KIF7: variants seen among roughly 807,000 people sequenced by gnomAD.
KIF7 encodes kinesin-like protein KIF7.
KIF7 carries 104 observed loss-of-function variants against 135.7 expected under a neutral mutation model. The ratio of observed to expected loss-of-function variants is 0.77; its 90% CI spans 0.65 to 0.90. KIF7 has a LOEUF of 0.90. Among genes scored for constraint, KIF7 ranks in the 40% least tolerant of loss-of-function variants. The probability of loss-of-function intolerance (pLI) is 0.00; values close to 1 mark genes in which losing one functional copy is unlikely to be tolerated. For synonymous variants in KIF7, 883 were observed against 809.4 expected (o/e 1.09, Z -1.54); for missense variants, 2,005 against 1,839.1 (o/e 1.09, Z -1.65).
At chr15:89,625,333 G>GGGAAGACAACTCC, downstream of KIF7, 1 of 1,614,056 alleles carries the variant, frequency 6.2e-7, no homozygotes, top group Non-Finnish European at 8.5e-7. Context: ...CAAGCACAGT[G>GGGAAGACAACTCC]GGAAGACAAC....
At chr15:89,618,491 T>C (rs1411125912) in intron 1 of KIF7, among the ~76,000 whole-genome samples, 2 of 152,266 alleles carry the variant, frequency 1.3e-5, no homozygotes, top group Non-Finnish European at 2.9e-5. Context: ...TAAAAGTATA[T>C]ATAACTTTGT....
Position 89,645,015 on chromosome 15 carries a change from G to T in KIF7, c.2189C>A (p.Thr730Lys). ...KEELIGELVR[T>K]GKAAQALNRQ... ...CCCACCTGATGCCCACGCCTCACCT[G>T]TGCGGACCAGCTCGCCAATAAGCTC... The change falls in exon 10 of 19, where the codon ACA becomes AAA. Residue 730 changes from threonine to lysine, a missense_variant and splice_region_variant. By Grantham distance (78) the Thr-to-Lys change is moderately conservative. Coordinates refer to ENST00000394412, the MANE Select transcript of KIF7 (RefSeq NM_198525.3). 6.2e-7 allele frequency: 1 copy of T among 1,608,024 alleles called. No individual in the cohort carries two copies. The highest frequency in any genetic ancestry group is 8.5e-7 in the Non-Finnish European group (1 of 1,179,992).
downstream of KIF7, chr15:89,624,878 G>C (rs149974689): frequency 6.2e-7 from 1 of 1,614,086 alleles, no homozygotes; most frequent in South Asian, 1.1e-5. Context: ...ATGCCTTCCC[G>C]TGACGTGCAC....
In KIF7 at chr15:89,640,934, C is replaced by T. The variant is rs540918708; in HGVS notation, c.2394+1269G>A. On this transcript the variant is annotated intron_variant, in intron 11 of 18. Transcript: ENST00000394412. ...ATAAGGATCACTTGAACCCAGGAGG[C>T]GGAGGTTGCAGTAAGCTGAGATTGC... Among the ~76,000 whole-genome samples, 10 of 151,990 alleles carry T rather than the reference C, an allele frequency of 6.6e-5. No individual in the cohort carries two copies. The South Asian group carries it at 2.1e-3, about 32-fold the overall frequency.
At chr15:89,623,599 T>G, downstream of KIF7, 1 of 1,577,630 alleles carries the variant, frequency 6.3e-7, no homozygotes, top group East Asian at 2.2e-5. Flanking sequence ...ATTCAAGGAC[T>G]GAAATAAGCA....
chr15:89,635,709 C>T (rs150979181), intron 11 of KIF7, among the ~76,000 whole-genome samples: 8,804 of 152,138 alleles, frequency 0.058, 295 homozygotes, highest in Middle Eastern at 0.11. Flanking sequence ...GACTGGTGTA[C>T]CTGAAAGTGA....
At position 89,646,849 on chromosome 15, in the gene KIF7, C is replaced by A; in HGVS notation, c.1769G>T (p.Gly590Val). Residue 590 changes from glycine to valine, a missense_variant, in exon 7 of 19, where the codon GGC becomes GTC. Gly to Val is a moderately radical substitution (Grantham distance 109). Transcript: ENST00000394412. The stretch of plus-strand genomic sequence containing the variant: ...TCTCACCTCTCCCCTCTGCTCAGAG[C>A]CAACTTCATCTCCAGGGAGGCAGGC... ...PPACLPGDEVGSEQRGEQVTN... is the reference protein window; with the variant it reads ...PPACLPGDEVVSEQRGEQVTN... The A allele has an allele frequency of 6.2e-7, 1 of 1,614,110 alleles. No individual in the cohort carries two copies. Among genetic ancestry groups the A allele is most frequent in the Non-Finnish European group, 8.5e-7 (1 of 1,180,036 alleles).
chr15:89,643,950 T>TA (rs754982717), intron 10 of KIF7, among the ~76,000 whole-genome samples: 197 of 121,058 alleles, frequency 1.6e-3, no homozygotes, highest in African/African-American at 2.3e-3. Context: ...TACAGTTAAG[T>TA]AAAAAAAAAA....
rs1455773792 is a variant in KIF7 at position 89,647,679 on chromosome 15, G to A, written c.1477C>T (p.Gln493Ter). The A allele has an allele frequency of 1.2e-6, 2 of 1,601,422 alleles. No homozygotes were observed. Among genetic ancestry groups the A allele is most frequent in the Admixed American group, 3.4e-5 (2 of 58,872 alleles). The stretch of plus-strand genomic sequence containing the variant: ...TCCTCCAGCCGCGCCACCTGGTTCT[G>A]CAGGGTCAGCAGCTGCTGCGCCCCC... ...DEGAQQLLTL[Q>*]NQVARLEEEN... Residue 493 changes from glutamine (Q) to a stop codon, truncating the protein, a stop_gained, in exon 6 of 19, where the codon CAG becomes TAG. Coordinates refer to ENST00000394412, the MANE Select transcript of KIF7 (RefSeq NM_198525.3). LOFTEE classifies it high-confidence loss of function.
chr15:89,618,507 C>G (rs1039343825), intron 1 of KIF7, among the ~76,000 whole-genome samples: 2 of 152,214 alleles, frequency 1.3e-5, no homozygotes, highest in East Asian at 3.8e-4. Context: ...TTTGTTGGAG[C>G]TTTTCACTAC....
the KIF7 span, among the ~76,000 whole-genome samples, chr15:89,660,860 A>G: frequency 2.6e-5 from 4 of 152,124 alleles, no homozygotes; most frequent in Admixed American, 2.6e-4. Flanking sequence ...TGCTCCAGTG[A>G]TCTGTTGTGA....
chr15:89,619,348 C>T (rs1019645341), intron 1 of KIF7, among the ~76,000 whole-genome samples: 1 of 151,552 alleles, frequency 6.6e-6, no homozygotes, highest in African/African-American at 2.4e-5. Context: ...GCCACAGCCT[C>T]CCAAGTAGCT....
In KIF7 at chr15:89,628,770, GCTC is replaced by G. The variant is rs776965394; in HGVS notation, c.3678_3680del (p.Arg1226del). On this transcript the variant is annotated inframe_deletion, in exon 19 of 19. Coordinates refer to ENST00000394412, the MANE Select transcript of KIF7 (RefSeq NM_198525.3). ...GAGCCTGTCTGCCCTCCGAGCACAG[GCTC>G]CTCTTCTCCCCACCTGTCATGGAGA... The G allele has an allele frequency of 3.1e-6, 5 of 1,611,942 alleles. No individual in the cohort carries two copies. The East Asian group carries it at 6.7e-5, about 22-fold the overall frequency.
rs1964057629 is a variant in KIF7 at position 89,648,447 on chromosome 15, G to T, written c.1251C>A (p.Asp417Glu). 3 of 1,094,386 alleles carry T rather than the reference G, an allele frequency of 2.7e-6. No individual in the cohort carries two copies. The highest frequency in any genetic ancestry group is 1.1e-4 in the East Asian group (2 of 17,898). 67.8% of individuals were successfully genotyped at this position (1,094,386 alleles called of 1,614,324 possible). The change falls in exon 5 of 19, where the codon GAC becomes GAA. Residue 417 changes from aspartate (D) to glutamate (E), a missense_variant. Asp to Glu is a conservative substitution (Grantham distance 45). Transcript: ENST00000394412. ...AECARYRACTDAAYSLLRELQ... is the reference protein window; with the variant it reads ...AECARYRACTEAAYSLLRELQ... ...GCTCGCGCAAGAGGCTGTAGGCGGC[G>T]TCGGTGCAGGCCCGGTAGCGCGCGC...
chr15:89,625,000 G>A (rs1416718053), downstream of KIF7: 1 of 1,613,968 alleles, frequency 6.2e-7, no homozygotes, highest in Admixed American at 1.7e-5. Flanking sequence ...GGTTGAGCTG[G>A]AGATGCAAGC....
rs531307885 is a variant in KIF7, at chr15:89,635,017, C to T, written c.2395-1134G>A. 3.0e-4 allele frequency among the ~76,000 whole-genome samples: 46 copies of T among 152,322 alleles called. No homozygotes were observed. In the East Asian group the frequency reaches 4.2e-3, roughly 14 times the overall value. ...ACTGCCTCCTCAAGTGGGTTCCTGACCCCTGACCTCCGAGCAGCCTAACTG... is the reference window on the plus strand; with the variant it reads ...ACTGCCTCCTCAAGTGGGTTCCTGATCCCTGACCTCCGAGCAGCCTAACTG... On this transcript the variant is annotated intron_variant, in intron 11 of 18. Transcript: ENST00000394412.
chr15:89,638,418 T>G (rs1963854393), intron 11 of KIF7, among the ~76,000 whole-genome samples: 1 of 149,174 alleles, frequency 6.7e-6, no homozygotes, highest in Non-Finnish European at 1.5e-5. Context: ...CAGCCCAAAA[T>G]CTCCTTAAGC....
chr15:89,624,230 C>G (rs144056774), downstream of KIF7: 4 of 1,614,202 alleles, frequency 2.5e-6, no homozygotes, highest in South Asian at 1.1e-5. Context: ...CCACCTGTTA[C>G]GCCAAAGAAA....
At chr15:89,660,618 C>G in the KIF7 span, among the ~76,000 whole-genome samples, 11 of 152,176 alleles carry the variant, frequency 7.2e-5, no homozygotes, top group African/African-American at 2.4e-4. Context: ...AGTGTCATCC[C>G]AGTCTGGACT....
Sources: gnomAD v4.1 joint callset for allele counts (sites outside exome capture counted in the v4.1 genomes callset) on GRCh38, gnomAD v4.1.1 for gene constraint, MANE v1.5 for transcripts, NCBI Gene and HGNC (gene_info 2026-07-23, HGNC 2026-07-21) for gene names.